CUL3: variants seen among roughly 807,000 people sequenced by gnomAD.
The protein encoded by CUL3 is cullin-3.
CUL3 carries 19 observed loss-of-function variants against 89.1 expected under a neutral mutation model. The observed-to-expected ratio is 0.21, with a 90% CI of 0.15 to 0.31. The LOEUF (loss-of-function observed/expected upper bound fraction) is 0.31, where lower values mean the gene tolerates loss of function less well. Ranked by LOEUF, CUL3 falls within the 10% of genes least tolerant of loss-of-function variation. CUL3 has a pLI of 1.00. For synonymous variants in CUL3, 351 were observed against 308.4 expected, an observed-to-expected ratio of 1.14 and a Z score of -1.45; for missense variants, 469 against 942.3, an observed-to-expected ratio of 0.50 and a Z score of 6.58.
intron 14 of CUL3, 116 bp from the exon 15 acceptor site, chr2:224,478,461 T>C (rs1691405088): frequency 2.4e-6 from 2 of 831,244 alleles, no homozygotes; most frequent in South Asian, 2.1e-5. Flanking sequence ...CCTCTGAATA[T>C]ACACACTTAT....
chr2:224,568,177 A>C (rs1302430280), intron 1 of CUL3, among the ~76,000 whole-genome samples: 1 of 152,180 alleles, frequency 6.6e-6, no homozygotes, highest in East Asian at 1.9e-4. Context: ...CCTCAAGCAA[A>C]GTTAACAACT....
chr2:224,483,697 A>C (rs1691614208), intron 13 of CUL3, among the ~76,000 whole-genome samples: 1 of 152,098 alleles, frequency 6.6e-6, no homozygotes, highest in African/African-American at 2.4e-5. Flanking sequence ...TTTTTCTATT[A>C]ATTTCTTCAG....
chr2:224,492,585 G>T (rs1692028091), intron 13 of CUL3, among the ~76,000 whole-genome samples: 1 of 152,122 alleles, frequency 6.6e-6, no homozygotes, highest in South Asian at 2.1e-4. Flanking sequence ...ACCACTGTAT[G>T]TATTTCCTAT....
rs1691548207 is a variant in CUL3 at position 224,481,797 on chromosome 2, A to G, written c.2029+95T>C. 2.1e-5 allele frequency: 17 copies of G among 819,782 alleles called. No individual in the cohort carries two copies. The South Asian group carries it at 4.6e-4, about 22-fold the overall frequency. The allele number at this position is 819,782 out of a possible 1,614,324, so 50.8% of individuals were successfully genotyped here. A position where few individuals can be genotyped will look rare whatever the true frequency, so the allele number is the denominator to read the frequency against. ...GCCTAAGTATCATGCAGCACCAGAA[A>G]AGGAGTATTTTTAAAAGAAATCCAA... On this transcript the variant is annotated intron_variant, in intron 14 of 15. Coordinates refer to ENST00000264414, the MANE Select transcript of CUL3 (RefSeq NM_003590.5).
chr2:224,575,421 C>G (rs1004385686), intron 1 of CUL3, among the ~76,000 whole-genome samples: 4 of 152,126 alleles, frequency 2.6e-5, no homozygotes, highest in African/African-American at 9.7e-5. Flanking sequence ...ATGCTTTCTG[C>G]TGCTATTTCT....
intron 2 of CUL3, among the ~76,000 whole-genome samples, chr2:224,557,183 A>G (rs1553535748): frequency 6.6e-6 from 1 of 152,158 alleles, no homozygotes; most frequent in Non-Finnish European, 1.5e-5. Flanking sequence ...AATAATGTGA[A>G]CAGCCCAACA....
chr2:224,500,313 T>C, intron 11 of CUL3, 50 bp downstream of exon 11: 1 of 1,587,680 alleles, frequency 6.3e-7, no homozygotes, highest in Middle Eastern at 1.7e-4. Context: ...TCATTTTTAA[T>C]TTTGAACACT....
At chr2:224,516,136 C>T (rs1433884104) in intron 3 of CUL3, among the ~76,000 whole-genome samples, 1 of 152,052 alleles carries the variant, frequency 6.6e-6, no homozygotes, top group Non-Finnish European at 1.5e-5. Context: ...CTTCAGTGCT[C>T]ACATTTCTAC....
intron 1 of CUL3, among the ~76,000 whole-genome samples, chr2:224,559,347 G>A (rs1158390204): frequency 3.3e-5 from 5 of 151,500 alleles, no homozygotes; most frequent in East Asian, 2.0e-4. Context: ...CCAGCTACCC[G>A]GGAGGCTGAG....
In CUL3 at chr2:224,557,640, G is replaced by A. The variant is rs142187411; in HGVS notation, c.264+19C>T. The A allele has an allele frequency of 4.6e-6, 7 of 1,535,858 alleles. No homozygotes were observed. The highest frequency in any genetic ancestry group is 2.7e-5 in the African/African-American group (2 of 73,184). ...TACATTCAATATAGTATTAGCAACA[G>A]TCCTTTAAAGTTTGATACCTTATTT... On this transcript the variant is annotated intron_variant, in intron 2 of 15. Transcript: ENST00000264414.
chr2:224,551,230 G>T (rs1694504269), intron 2 of CUL3, among the ~76,000 whole-genome samples: 1 of 149,036 alleles, frequency 6.7e-6, no homozygotes, highest in African/African-American at 2.5e-5. Context: ...TTTTGAGACG[G>T]AGTCTCACTC....
chr2:224,502,212 C>T (rs7578691), intron 10 of CUL3, among the ~76,000 whole-genome samples: 28,116 of 151,976 alleles, frequency 0.19, 2,949 homozygotes, highest in South Asian at 0.27. Context: ...TATTTAGATA[C>T]CAAAGGAAAA....
chr2:224,543,942 G>A (rs1165949948), intron 2 of CUL3, among the ~76,000 whole-genome samples: 1 of 151,948 alleles, frequency 6.6e-6, no homozygotes, highest in Non-Finnish European at 1.5e-5. Context: ...CCGAGATCAT[G>A]CCACTACACT....
chr2:224,539,785 G>A (rs1694027295), intron 2 of CUL3, among the ~76,000 whole-genome samples: 1 of 151,946 alleles, frequency 6.6e-6, no homozygotes, highest in African/African-American at 2.4e-5. Context: ...AAAAAAATAG[G>A]TATGTAAGTA....
intron 2 of CUL3, among the ~76,000 whole-genome samples, chr2:224,547,163 C>A (rs1289677442): frequency 1.3e-5 from 2 of 152,190 alleles, no homozygotes; most frequent in Non-Finnish European, 2.9e-5. Flanking sequence ...ATCTTCTCCA[C>A]TGCAGTCAGC....
At chr2:224,507,600 A>G (rs1692648903) in intron 6 of CUL3, among the ~76,000 whole-genome samples, 2 of 152,120 alleles carry the variant, frequency 1.3e-5, no homozygotes, top group Non-Finnish European at 1.5e-5. Flanking sequence ...CTTCTTCAAT[A>G]TTTTCCTGAG....
At chr2:224,492,510 AAT>A (rs1331827058) in intron 13 of CUL3, among the ~76,000 whole-genome samples, 7 of 152,334 alleles carry the variant, frequency 4.6e-5, no homozygotes, top group South Asian at 4.1e-4. Context: ...AATATGTATT[AAT>A]AGTTCTTATC....
chr2:224,570,614 A>G (rs1695161696), intron 1 of CUL3, among the ~76,000 whole-genome samples: 1 of 152,112 alleles, frequency 6.6e-6, no homozygotes, highest in African/African-American at 2.4e-5. Flanking sequence ...GGAGTGGGGG[A>G]GTGCTGCCAA....
At chr2:224,582,720 T>C (rs1024088002) in intron 1 of CUL3, among the ~76,000 whole-genome samples, 2 of 152,192 alleles carry the variant, frequency 1.3e-5, no homozygotes, top group Non-Finnish European at 2.9e-5. Context: ...GTTATTATAC[T>C]GGTCAGCTAA....
Sources: gnomAD v4.1 joint callset for allele counts (sites outside exome capture counted in the v4.1 genomes callset) on GRCh38, gnomAD v4.1.1 for gene constraint, MANE v1.5 for transcripts, NCBI Gene and HGNC (gene_info 2026-07-23, HGNC 2026-07-21) for gene names.